The following WDFY4 variants were observed in gnomAD, a reference collection of about 807,000 sequenced individuals.
The protein encoded by WDFY4 is WDFY family member 4.
A neutral mutation model predicts 351.9 loss-of-function variants in WDFY4; 169 were observed. The ratio of observed to expected loss-of-function variants is 0.48; its 90% CI spans 0.42 to 0.55. The LOEUF (loss-of-function observed/expected upper bound fraction) is 0.55. Ranked by LOEUF, WDFY4 falls within the 20% of genes least tolerant of loss-of-function variation. The probability of loss-of-function intolerance (pLI) is 0.00; values close to 1 mark genes in which losing one functional copy is unlikely to be tolerated. For missense variants in WDFY4, 3,803 were observed against 3,935.6 expected (o/e 0.97, Z 0.90); for synonymous variants, 1,622 against 1,574.6 (o/e 1.03, Z -0.71).
intron 12 of WDFY4, among the ~76,000 whole-genome samples, chr10:48,758,809 TCTTA>T (rs2065410442): frequency 6.6e-6 from 1 of 152,210 alleles, no homozygotes; most frequent in African/African-American, 2.4e-5. Context: ...AAATGTTCAC[TCTTA>T]CTTCTTGGAA....
intron 43 of WDFY4, among the ~76,000 whole-genome samples, chr10:48,880,201 T>C (rs75673247): frequency 0.037 from 5,660 of 152,280 alleles, 359 homozygotes; most frequent in African/African-American, 0.13. Flanking sequence ...CTGGCTAGGC[T>C]GAAGTTTATG....
At chr10:48,759,791 G>T (rs1240859628) in intron 12 of WDFY4, among the ~76,000 whole-genome samples, 1 of 152,206 alleles carries the variant, frequency 6.6e-6, no homozygotes, top group Non-Finnish European at 1.5e-5. Flanking sequence ...CTGCAGAGGG[G>T]AAGCCCAGAA....
At chr10:48,742,470 A>G (rs2064882676) in intron 11 of WDFY4, among the ~76,000 whole-genome samples, 1 of 152,244 alleles carries the variant, frequency 6.6e-6, no homozygotes, top group Non-Finnish European at 1.5e-5. Flanking sequence ...TCTCCTGTAC[A>G]GTATAAGAGA....
At chr10:48,806,210 A>C in intron 27 of WDFY4, 115 bp downstream of exon 27, 1 of 1,034,786 alleles carries the variant, frequency 9.7e-7, no homozygotes, top group Non-Finnish European at 1.5e-6. Context: ...ACCCACAGCC[A>C]AGCCGTGGTT....
intron 44 of WDFY4, among the ~76,000 whole-genome samples, chr10:48,895,357 A>G (rs1048630184): frequency 2.6e-5 from 4 of 152,158 alleles, no homozygotes; most frequent in African/African-American, 9.7e-5. Context: ...GGAATGGGAG[A>G]AGCTGAAACA....
chr10:48,867,482 T>C (rs1304210452), intron 40 of WDFY4, 140 bp downstream of exon 40: 1 of 421,408 alleles, frequency 2.4e-6, no homozygotes, highest in Non-Finnish European at 4.0e-6. Context: ...CATTTTATCC[T>C]AAATGCAATG....
intron 24 of WDFY4, chr10:48,801,621 C>A: frequency 7.6e-6 from 3 of 396,234 alleles, no homozygotes; most frequent in Non-Finnish European, 1.5e-5. Context: ...TGGGCAGTGG[C>A]TGTGCTTAAA....
rs534326466 is a variant in WDFY4 at position 48,774,327 on chromosome 10, A to G, written c.2554-131A>G. 4.3e-5 allele frequency: 39 copies of G among 915,458 alleles called. No individual in the cohort carries two copies. In the East Asian group the frequency reaches 1.0e-3, roughly 24 times the overall value. 56.7% of individuals were successfully genotyped at this position (915,458 alleles called of 1,614,324 possible). A position where few individuals can be genotyped will look rare whatever the true frequency, so the allele number is the denominator to read the frequency against. Reference sequence around the variant, plus strand: ...AGAACCCTGAGACAGGCGTGGGTGTAGTGGGGATGGGGTATGGTGGGCGCA... The same window carrying G: ...AGAACCCTGAGACAGGCGTGGGTGTGGTGGGGATGGGGTATGGTGGGCGCA... On this transcript the variant is annotated intron_variant, in intron 13 of 61. Coordinates refer to ENST00000325239, the MANE Select transcript of WDFY4 (RefSeq NM_001394531.1).
At chr10:48,752,613 T>C (rs1350907979) in intron 12 of WDFY4, among the ~76,000 whole-genome samples, 1 of 152,244 alleles carries the variant, frequency 6.6e-6, no homozygotes, top group Non-Finnish European at 1.5e-5. Flanking sequence ...AAATCATGTG[T>C]AAATGGAATC....
At chr10:48,720,501 C>T (rs1298331022) in intron 3 of WDFY4, among the ~76,000 whole-genome samples, 3 of 151,882 alleles carry the variant, frequency 2.0e-5, no homozygotes, top group South Asian at 4.2e-4. Context: ...ACATACACTA[C>T]ACACACAGAC....
At chr10:48,981,216 C>T in intron 60 of WDFY4, 151 bp from the exon 61 acceptor site, 1 of 684,818 alleles carries the variant, frequency 1.5e-6, no homozygotes, top group Non-Finnish European at 2.4e-6. Context: ...CAGCACAGGC[C>T]AAGATTAAAT....
chr10:48,839,858 T>G (rs2068536238), intron 39 of WDFY4, among the ~76,000 whole-genome samples: 1 of 152,280 alleles, frequency 6.6e-6, no homozygotes, highest in African/African-American at 2.4e-5. Flanking sequence ...ACTGCTCTAC[T>G]GGCGTGAGCC....
intron 25 of WDFY4, among the ~76,000 whole-genome samples, chr10:48,804,140 G>A (rs141284675): frequency 6.7e-4 from 102 of 152,328 alleles, no homozygotes; most frequent in African/African-American, 2.3e-3. Flanking sequence ...GCCAGGGGCT[G>A]TGTTCAGAAT....
At chr10:48,863,993 T>C (rs1448223730) in intron 39 of WDFY4, among the ~76,000 whole-genome samples, 2 of 152,142 alleles carry the variant, frequency 1.3e-5, no homozygotes, top group Non-Finnish European at 2.9e-5. Flanking sequence ...AACCACACCA[T>C]GATTTAGTTG....
chr10:48,851,434 G>T (rs1406444585), intron 39 of WDFY4, among the ~76,000 whole-genome samples: 2 of 152,224 alleles, frequency 1.3e-5, no homozygotes, highest in Non-Finnish European at 2.9e-5. Context: ...TGAGTCTAAG[G>T]ATGAAATGGT....
At chr10:48,722,941 A>G (rs983866070) in intron 4 of WDFY4, among the ~76,000 whole-genome samples, 1 of 152,016 alleles carries the variant, frequency 6.6e-6, no homozygotes, top group Non-Finnish European at 1.5e-5. Flanking sequence ...CCTTGACGAG[A>G]TCTGTCTGGG....
intron 39 of WDFY4, among the ~76,000 whole-genome samples, chr10:48,858,871 A>T (rs535448601): frequency 6.6e-6 from 1 of 152,166 alleles, no homozygotes; most frequent in East Asian, 1.9e-4. Flanking sequence ...ATCATCTTTT[A>T]TTTCTTTCAT....
intron 12 of WDFY4, among the ~76,000 whole-genome samples, chr10:48,750,750 T>C (rs1284185724): frequency 6.6e-6 from 1 of 152,260 alleles, no homozygotes; most frequent in Non-Finnish European, 1.5e-5. Context: ...TTAAGTCGTC[T>C]CTTCCCCATC....
Position 48,897,429 on chromosome 10 carries a change from C to T in WDFY4, c.7317-25C>T, listed in dbSNP as rs764885445. 3.7e-5 allele frequency: 58 copies of T among 1,547,322 alleles called. No homozygotes were observed. In the South Asian group the frequency reaches 5.6e-4, roughly 15 times the overall value. On this transcript the variant is annotated intron_variant, in intron 44 of 61. Transcript: ENST00000325239. ...CCTCACTCTGATGTCTGAACATGTGCCCTGCATGCCTGTTTCCTTTTCAGC... is the reference window on the plus strand; with the variant it reads ...CCTCACTCTGATGTCTGAACATGTGTCCTGCATGCCTGTTTCCTTTTCAGC...
Sources: allele counts gnomAD v4.1 joint callset (sites outside exome capture counted in the v4.1 genomes callset), GRCh38; gene constraint gnomAD v4.1.1; transcripts MANE v1.5; gene names NCBI Gene and HGNC (gene_info 2026-07-23, HGNC 2026-07-21).